PIK3R3: variants seen among roughly 807,000 people sequenced by gnomAD.
PIK3R3 encodes the protein phosphatidylinositol 3-kinase regulatory subunit gamma.
A neutral mutation model predicts 62.9 loss-of-function variants in PIK3R3; 64 were observed. The observed-to-expected ratio is 1.02, with a 90% confidence interval of 0.83 to 1.25. The LOEUF (loss-of-function observed/expected upper bound fraction) is 1.25, where lower values mean the gene tolerates loss of function less well. PIK3R3 is among the 50% of genes most tolerant of loss of function. PIK3R3 has a pLI of 0.00. For synonymous variants in PIK3R3, 165 were observed against 189.0 expected (o/e 0.87, Z 1.04); for missense variants, 614 against 561.6 (o/e 1.09, Z -0.94).
At chr1:46,167,109 G>A in the PIK3R3 span, among the ~76,000 whole-genome samples, 1 of 152,376 alleles carries the variant, frequency 6.6e-6, no homozygotes, top group Non-Finnish European at 1.5e-5. Flanking sequence ...GGACTCTAGC[G>A]GGGAAGGCAC....
chr1:46,130,112 T>G (rs1438076306), intron 1 of PIK3R3, among the ~76,000 whole-genome samples: 1 of 152,168 alleles, frequency 6.6e-6, no homozygotes, highest in African/African-American at 2.4e-5. Flanking sequence ...CAACCATAAG[T>G]GCATTCTTCA....
intron 1 of PIK3R3, among the ~76,000 whole-genome samples, chr1:46,105,951 T>C (rs899482367): frequency 6.6e-6 from 1 of 152,112 alleles, no homozygotes; most frequent in Non-Finnish European, 1.5e-5. Flanking sequence ...TAAAGTATAT[T>C]TGAAACCTTC....
the PIK3R3 span, among the ~76,000 whole-genome samples, chr1:46,161,109 AT>A: frequency 5.4e-4 from 81 of 149,276 alleles, no homozygotes; most frequent in African/African-American, 1.4e-3. Context: ...ATTTGCAAGG[AT>A]TTTTTTTTTG....
chr1:46,126,682 T>C (rs931940808), intron 1 of PIK3R3, among the ~76,000 whole-genome samples: 1 of 151,898 alleles, frequency 6.6e-6, no homozygotes, highest in Non-Finnish European at 1.5e-5. Flanking sequence ...TTGCCAGGCA[T>C]GGTGGCGCAG....
chr1:46,131,394 G>A (rs1655568934), intron 1 of PIK3R3, among the ~76,000 whole-genome samples: 1 of 152,064 alleles, frequency 6.6e-6, no homozygotes, highest in Non-Finnish European at 1.5e-5. Flanking sequence ...AAAACACAAC[G>A]AACCAAATTA....
rs747444054 is a variant in PIK3R3 at position 46,066,129 on chromosome 1, T to G, written c.546A>C (p.Gln182His). The part of the protein sequence containing the change: ...DNIDAVGKKL[Q>H]EYHSQYQEKS... ...TCTCCTGATACTGAGAGTGGTATTCTTGCAGTTTTTTACCTACTGCATCAA... is the reference window on the plus strand; with the variant it reads ...TCTCCTGATACTGAGAGTGGTATTCGTGCAGTTTTTTACCTACTGCATCAA... Residue 182 changes from glutamine (Q) to histidine (H), a missense_variant, in exon 5 of 10, where the codon CAA (glutamine) becomes CAC (histidine). Physicochemically the swap from Gln to His is conservative, Grantham distance 24. Transcript: ENST00000262741. The G allele has an allele frequency of 8.8e-6, 14 of 1,595,434 alleles. No homozygotes were observed. In the East Asian group the frequency reaches 2.2e-4, roughly 26 times the overall value.
At chr1:46,134,028 C>A (rs534628059), upstream of PIK3R3, among the ~76,000 whole-genome samples, 1 of 152,218 alleles carries the variant, frequency 6.6e-6, no homozygotes, top group South Asian at 2.1e-4. Context: ...AATTAACTTG[C>A]TGGGGAACAC....
At chr1:46,114,246 A>C (rs778540198) in intron 1 of PIK3R3, among the ~76,000 whole-genome samples, 1 of 152,196 alleles carries the variant, frequency 6.6e-6, no homozygotes, top group Non-Finnish European at 1.5e-5. Context: ...ACATCATTCC[A>C]AATGAAGGAG....
chr1:46,117,285 T>G (rs528363724), intron 1 of PIK3R3, among the ~76,000 whole-genome samples: 4 of 152,088 alleles, frequency 2.6e-5, no homozygotes, highest in Non-Finnish European at 5.9e-5. Flanking sequence ...ATCAAAAAAT[T>G]AGCTAGGTAT....
chr1:46,098,704 T>C (rs948571161), intron 1 of PIK3R3, among the ~76,000 whole-genome samples: 4 of 152,100 alleles, frequency 2.6e-5, no homozygotes, highest in African/African-American at 9.7e-5. Flanking sequence ...GAATGGGGAA[T>C]GACTTTTTCT....
intron 1 of PIK3R3, among the ~76,000 whole-genome samples, chr1:46,088,642 T>G (rs1651317431): frequency 6.6e-6 from 1 of 151,776 alleles, no homozygotes; most frequent in South Asian, 2.1e-4. Flanking sequence ...GATAAGAGAA[T>G]CAGAGGATCA....
the PIK3R3 span, among the ~76,000 whole-genome samples, chr1:46,144,783 C>T: frequency 7.0e-6 from 1 of 142,826 alleles, no homozygotes; most frequent in Admixed American, 7.1e-5. Context: ...AAAAAAAAAA[C>T]GACTCAATTC....
chr1:46,078,258 C>A (rs1650250462), intron 2 of PIK3R3, among the ~76,000 whole-genome samples: 1 of 152,182 alleles, frequency 6.6e-6, no homozygotes, highest in Non-Finnish European at 1.5e-5. Context: ...AATAAAATGG[C>A]TGGGTGCAGT....
intron 1 of PIK3R3, among the ~76,000 whole-genome samples, chr1:46,084,938 G>A (rs185862133): frequency 6.6e-6 from 1 of 152,110 alleles, no homozygotes. Flanking sequence ...ACCTTCAAAC[G>A]GTGTTATGGA....
At chr1:46,143,246 A>G in the PIK3R3 span, among the ~76,000 whole-genome samples, 3 of 152,222 alleles carry the variant, frequency 2.0e-5, no homozygotes, top group Non-Finnish European at 4.4e-5. Flanking sequence ...TAATGGGTTA[A>G]GGCCTAAAGG....
At chr1:46,079,825 A>G (rs1040785103) in intron 2 of PIK3R3, among the ~76,000 whole-genome samples, 1 of 151,794 alleles carries the variant, frequency 6.6e-6, no homozygotes, top group Non-Finnish European at 1.5e-5. Flanking sequence ...ATGGTGATGC[A>G]TGACTGTAAT....
chr1:46,109,611 G>A (rs1019200929), intron 1 of PIK3R3, among the ~76,000 whole-genome samples: 1 of 151,970 alleles, frequency 6.6e-6, no homozygotes, highest in Non-Finnish European at 1.5e-5. Flanking sequence ...AACCTCCCGA[G>A]TAGCTGGGAT....
intron 1 of PIK3R3, among the ~76,000 whole-genome samples, chr1:46,108,114 A>G (rs1258955814): frequency 6.6e-6 from 1 of 152,210 alleles, no homozygotes; most frequent in East Asian, 1.9e-4. Flanking sequence ...AATCTCTTGA[A>G]TATTACAGTT....
chr1:46,167,415 G>A, the PIK3R3 span, among the ~76,000 whole-genome samples: 316 of 152,370 alleles, frequency 2.1e-3, 4 homozygotes, highest in African/African-American at 7.3e-3. Flanking sequence ...CTGGGTGGAG[G>A]CGCAGCTAGC....
Sources: gnomAD v4.1 joint callset for allele counts (sites outside exome capture counted in the v4.1 genomes callset) on GRCh38, gnomAD v4.1.1 for gene constraint, MANE v1.5 for transcripts, NCBI Gene and HGNC (gene_info 2026-07-23, HGNC 2026-07-21) for gene names.